The following GRID2 variants were observed in gnomAD, a reference collection of about 807,000 sequenced individuals.
GRID2 encodes glutamate ionotropic receptor delta type subunit 2, also known as glutamate receptor ionotropic, delta-2.
A neutral mutation model predicts 114.8 loss-of-function variants in GRID2; 33 were observed. That is an observed-to-expected ratio of 0.29 (90% confidence interval 0.22 to 0.38). GRID2 has a LOEUF of 0.38. GRID2 is among the 10% of genes least tolerant of loss of function. GRID2 has a pLI of 1.00. For missense variants in GRID2, 1,184 were observed against 1,257.7 expected, an observed-to-expected ratio of 0.94 and a Z score of 0.89; for synonymous variants, 505 against 449.9, an observed-to-expected ratio of 1.12 and a Z score of -1.55.
chr4:92,895,871 AC>A (rs1264271776), intron 2 of GRID2, among the ~76,000 whole-genome samples: 2 of 152,250 alleles, frequency 1.3e-5, no homozygotes, highest in South Asian at 2.1e-4. Context: ...TATGTGTCTG[AC>A]TTTTCTTTCC....
chr4:93,298,584 A>G (rs1420999110), intron 8 of GRID2, among the ~76,000 whole-genome samples: 1 of 152,216 alleles, frequency 6.6e-6, no homozygotes, highest in Non-Finnish European at 1.5e-5. Flanking sequence ...CATTCATTAC[A>G]TAACACCCTC....
At chr4:93,007,362 C>G (rs894353955) in intron 2 of GRID2, among the ~76,000 whole-genome samples, 6 of 151,890 alleles carry the variant, frequency 4.0e-5, no homozygotes, top group African/African-American at 7.3e-5. Flanking sequence ...AACCTCTGGA[C>G]TTTCAGGCAA....
intron 8 of GRID2, among the ~76,000 whole-genome samples, chr4:93,377,948 T>C (rs1446510363): frequency 2.6e-5 from 4 of 152,322 alleles, no homozygotes; most frequent in African/African-American, 4.8e-5. Flanking sequence ...CTTATGTCTA[T>C]ATTTTATAAT....
At chr4:93,004,300 G>A (rs770912662) in intron 2 of GRID2, among the ~76,000 whole-genome samples, 10 of 151,398 alleles carry the variant, frequency 6.6e-5, no homozygotes, top group Non-Finnish European at 1.2e-4. Context: ...AATCAACAAC[G>A]TGCCTATAGT....
At chr4:92,782,843 A>T (rs1349951864) in intron 2 of GRID2, among the ~76,000 whole-genome samples, 1 of 152,018 alleles carries the variant, frequency 6.6e-6, no homozygotes, top group Non-Finnish European at 1.5e-5. Context: ...TTCCAACAGA[A>T]GTTGGATTAG....
intron 8 of GRID2, among the ~76,000 whole-genome samples, chr4:93,349,741 A>T (rs1416038180): frequency 6.6e-6 from 1 of 152,090 alleles, no homozygotes; most frequent in Non-Finnish European, 1.5e-5. Flanking sequence ...CCAGGGCAGG[A>T]TTATTTCTAG....
At chr4:93,282,292 T>A in intron 8 of GRID2, 1 of 331,314 alleles carries the variant, frequency 3.0e-6, no homozygotes. Flanking sequence ...CAATTAAAAG[T>A]ACCTGCCTTA....
At chr4:93,690,664 T>G (rs1726477643) in intron 14 of GRID2, among the ~76,000 whole-genome samples, 1 of 151,784 alleles carries the variant, frequency 6.6e-6, no homozygotes, top group African/African-American at 2.4e-5. Context: ...AGTTCAATTC[T>G]AAATACATAC....
At chr4:92,728,673 A>G (rs1174683689) in intron 2 of GRID2, among the ~76,000 whole-genome samples, 1 of 151,812 alleles carries the variant, frequency 6.6e-6, no homozygotes, top group East Asian at 2.0e-4. Flanking sequence ...TCCAGCCCAA[A>G]CTCAAGTGGA....
intron 2 of GRID2, among the ~76,000 whole-genome samples, chr4:92,896,164 A>G (rs527797295): frequency 2.0e-4 from 31 of 152,354 alleles, no homozygotes; most frequent in Non-Finnish European, 2.1e-4. Context: ...AGTTTTTTAA[A>G]AAGTCATAAA....
At position 92,424,243 on chromosome 4, in the gene GRID2, A is replaced by G. The variant is rs141644920; in HGVS notation, c.88+119499A>G. 3.2e-3 allele frequency among the ~76,000 whole-genome samples: 485 copies of G among 152,208 alleles called. 4 individuals are homozygous for G. The highest frequency in any genetic ancestry group is 0.011 in the African/African-American group (448 of 41,560). ...AACTAGGAGTTTGATAATTATTGCA[A>G]AGGAAAGAGTTATTCTTTCTTCAAA... On this transcript the variant is annotated intron_variant, in intron 1 of 15. Coordinates refer to ENST00000282020, the MANE Select transcript of GRID2 (RefSeq NM_001510.4).
At chr4:93,776,966 A>G (rs934804367), downstream of GRID2, among the ~76,000 whole-genome samples, 1 of 152,222 alleles carries the variant, frequency 6.6e-6, no homozygotes, top group Admixed American at 6.5e-5. Context: ...AACTTGCCTC[A>G]ACAGGACAAA....
chr4:93,224,753 C>T lies in GRID2; in HGVS notation c.1103C>T (p.Ser368Phe). The change falls in exon 7 of 16, where the codon TCC becomes TTC. Residue 368 changes from serine (S) to phenylalanine (F), a missense_variant. This residue lies in a region of GRID2 where 717 missense variants were observed against 796.9 expected (regional missense o/e 0.90). Transcript: ENST00000282020. ...KNSKPWQGGR[S>F]MLETIKKGGV... ...TCAAAGCCCTGGCAGGGTGGGCGCT[C>T]CATGTTGGAGACCATCAAGAAGGTA... 1.2e-6 allele frequency: 2 copies of T among 1,612,488 alleles called. No individual in the cohort carries two copies. Among genetic ancestry groups the T allele is most frequent in the Non-Finnish European group, 1.7e-6 (2 of 1,178,952 alleles).
intron 2 of GRID2, among the ~76,000 whole-genome samples, chr4:92,731,340 G>C (rs544951359): frequency 2.0e-5 from 3 of 150,954 alleles, no homozygotes; most frequent in South Asian, 2.1e-4. Context: ...GATTACTTTT[G>C]TACCAAGGCA....
intron 2 of GRID2, among the ~76,000 whole-genome samples, chr4:93,023,093 T>TTGTGTGTGTGTGTGTGTGTG (rs370431407): frequency 2.1e-5 from 3 of 143,848 alleles, no homozygotes; most frequent in African/African-American, 7.6e-5. Flanking sequence ...CAGAGAACAT[T>TTGTGTGTGTGTGTGTGTGTG]TGTGTGTGTG....
At chr4:93,426,117 G>A (rs1350359156) in intron 10 of GRID2, among the ~76,000 whole-genome samples, 1 of 152,152 alleles carries the variant, frequency 6.6e-6, no homozygotes, top group Non-Finnish European at 1.5e-5. Flanking sequence ...TCTTAAGGCA[G>A]TGGTAGGGAA....
chr4:93,439,023 T>C (rs1303469173), intron 10 of GRID2, among the ~76,000 whole-genome samples: 1 of 152,170 alleles, frequency 6.6e-6, no homozygotes. Context: ...CATCATTTTT[T>C]ATGGCTGCAT....
At chr4:93,320,082 A>C (rs1757057373) in intron 8 of GRID2, among the ~76,000 whole-genome samples, 1 of 152,136 alleles carries the variant, frequency 6.6e-6, no homozygotes, top group Non-Finnish European at 1.5e-5. Flanking sequence ...CTTTGGCACT[A>C]CAAGCATCTG....
At chr4:92,488,126 T>C (rs147844249) in intron 1 of GRID2, among the ~76,000 whole-genome samples, 102 of 152,282 alleles carry the variant, frequency 6.7e-4, no homozygotes, top group African/African-American at 2.2e-3. Flanking sequence ...ATTGCTTGAA[T>C]GCTACACTTT....
Sources: gnomAD v4.1 joint callset for allele counts (sites outside exome capture counted in the v4.1 genomes callset) on GRCh38, gnomAD v4.1.1 for gene constraint, gnomAD v4.1.1 regional missense constraint, MANE v1.5 for transcripts, NCBI Gene and HGNC (gene_info 2026-07-23, HGNC 2026-07-21) for gene names.